R3HDML: variants seen among roughly 807,000 people sequenced by gnomAD.
The protein encoded by R3HDML is R3H domain containing like, also known as peptidase inhibitor R3HDML.
Under a neutral mutation model 24.2 loss-of-function variants are expected in R3HDML, and 21 were observed. That is an observed-to-expected ratio of 0.87 (90% CI 0.62 to 1.25). The LOEUF (loss-of-function observed/expected upper bound fraction) is 1.25, where lower values mean the gene tolerates loss of function less well. Ranked by LOEUF, R3HDML falls within the 50% of genes most tolerant of loss-of-function variation. R3HDML has a pLI of 0.00. For missense variants in R3HDML, 301 were observed against 340.3 expected (o/e 0.88, Z 0.91); for synonymous variants, 133 against 131.5 (o/e 1.01, Z -0.08).
chr20:44,348,450 C>G (rs931342090), intron 4 of R3HDML, among the ~76,000 whole-genome samples: 8 of 145,320 alleles, frequency 5.5e-5, no homozygotes, highest in Admixed American at 2.8e-4. Flanking sequence ...TCCCTTTTTC[C>G]TTTCCCTTTT....
chr20:44,337,548 A>G lies in R3HDML; in HGVS notation c.261+130A>G. The G allele has an allele frequency of 2.0e-6, 2 of 986,566 alleles. No individual in the cohort carries two copies. Among genetic ancestry groups the G allele is most frequent in the East Asian group, 2.6e-5 (1 of 38,430 alleles). The allele number at this position is 986,566 out of a possible 1,614,324, so 61.1% of individuals were successfully genotyped here. A position where few individuals can be genotyped will look rare whatever the true frequency, so the allele number is the denominator to read the frequency against. ...TGCCTGCCTGGCCCCACTAGCCAGT[A>G]TCTGGGTGTCGACCTGTGGAAAGGG... is the stretch of plus-strand genomic sequence containing the variant. On this transcript the variant is annotated intron_variant, in intron 1 of 4. Coordinates refer to ENST00000217043, the MANE Select transcript of R3HDML (RefSeq NM_178491.4). The surrounding 1 kb of genome is among the most constrained non-coding windows in gnomAD (Gnocchi z 4.7).
intron 1 of R3HDML, among the ~76,000 whole-genome samples, chr20:44,338,658 A>G (rs540413671): frequency 6.6e-6 from 1 of 152,304 alleles, no homozygotes; most frequent in South Asian, 2.1e-4. Flanking sequence ...GAGAGGGTTC[A>G]ATATCTCACC....
intron 1 of R3HDML, among the ~76,000 whole-genome samples, chr20:44,338,734 C>T (rs554293592): frequency 6.6e-6 from 1 of 152,222 alleles, no homozygotes; most frequent in African/African-American, 2.4e-5. Flanking sequence ...CTCACTTTAC[C>T]CCTTTGTAGC....
intron 2 of R3HDML, 67 bp from the exon 3 acceptor site, chr20:44,343,310 C>G: frequency 6.3e-7 from 1 of 1,576,774 alleles, no homozygotes; most frequent in Non-Finnish European, 8.6e-7. Context: ...AGGTCACCAG[C>G]AAGTTGGCGG....
rs2062760155 is a variant in R3HDML, at chr20:44,337,304, G to A, written c.147G>A (p.Val49=). The part of the protein sequence containing the change: ...TAMRLLSGLE[V]PRYRRKRHIS... ...TGCGGCTCCTGAGTGGCCTGGAGGT[G>A]CCCAGGTACCGCCGGAAGCGCCACA... The change falls in exon 1 of 5, where the codon GTG becomes GTA. Residue 49 remains valine, a synonymous_variant. Transcript: ENST00000217043. This position sits in a 1 kb window ranked among gnomAD's most constrained non-coding sequence, Gnocchi z 4.7. 1 of 1,614,184 alleles carries A rather than the reference G, an allele frequency of 6.2e-7. No individual in the cohort carries two copies. The highest frequency in any genetic ancestry group is 8.5e-7 in the Non-Finnish European group (1 of 1,180,042).
At position 44,337,252 on chromosome 20, in the gene R3HDML, C is replaced by T. The variant is rs200656952; in HGVS notation, c.95C>T (p.Ala32Val). 164 of 1,614,066 alleles carry T rather than the reference C, an allele frequency of 1.0e-4. No homozygotes were observed. The East Asian group carries it at 2.9e-3, about 29-fold the overall frequency. ...TTGATAATGCCTAATGCTACCCCAGCCCCGGCCCAGCCCGAGAGCACGGCT... is the reference window on the plus strand; with the variant it reads ...TTGATAATGCCTAATGCTACCCCAGTCCCGGCCCAGCCCGAGAGCACGGCT... ...NALIMPNATP[A>V]PAQPESTAMR... The change falls in exon 1 of 5, where the codon GCC becomes GTC. Residue 32 changes from alanine to valine, a missense_variant. By Grantham distance (64) the Ala-to-Val change is moderately conservative. Transcript: ENST00000217043. This position sits in a 1 kb window ranked among gnomAD's most constrained non-coding sequence, Gnocchi z 4.7.
At position 44,337,368 on chromosome 20, in the gene R3HDML, A is replaced by G; in HGVS notation, c.211A>G (p.Asn71Asp). The change falls in exon 1 of 5, where the codon AAC (asparagine) becomes GAC (aspartate). Residue 71 changes from asparagine (N) to aspartate (D), a missense_variant. Coordinates refer to ENST00000217043, the MANE Select transcript of R3HDML (RefSeq NM_178491.4). The surrounding 1 kb of genome is among the most constrained non-coding windows in gnomAD (Gnocchi z 4.7). ...RDMNALLDYH[N>D]HIRASVYPPA... The stretch of plus-strand genomic sequence containing the variant: ...CATGAATGCCTTACTGGATTATCAC[A>G]ACCACATCCGGGCCAGTGTGTACCC... 1 of 1,614,188 alleles carries G rather than the reference A, an allele frequency of 6.2e-7. No individual in the cohort carries two copies. The highest frequency in any genetic ancestry group is 8.5e-7 in the Non-Finnish European group (1 of 1,180,034).
chr20:44,343,348 A>G (rs1246810949), intron 2 of R3HDML, 29 bp from the exon 3 acceptor site: 1 of 1,606,728 alleles, frequency 6.2e-7, no homozygotes. Flanking sequence ...CCTCTCACCC[A>G]GCTTCTTCCG....
chr20:44,340,807 AAAAAG>A (rs144736625), intron 1 of R3HDML, among the ~76,000 whole-genome samples: 8,322 of 152,202 alleles, frequency 0.055, 861 homozygotes, highest in East Asian at 0.36. Context: ...TCCTGTCTCA[AAAAAG>A]AAAAGAAAAG....
rs118125327 is a variant in R3HDML at position 44,351,238 on chromosome 20, A to C, written c.*446A>C. 4.4e-4 allele frequency: 68 copies of C among 153,966 alleles called. No individual in the cohort carries two copies. Among genetic ancestry groups the C allele is most frequent in the Non-Finnish European group, 7.9e-4 (55 of 69,356 alleles). 9.5% of individuals were successfully genotyped at this position (153,966 alleles called of 1,614,324 possible). ...TATTTAGAAACAAACAAACAAACAA[A>C]TAAAAAACCTGGCACCTCGGTTTTG... On this transcript the variant is annotated 3_prime_UTR_variant, in exon 5 of 5. Coordinates refer to ENST00000217043, the MANE Select transcript of R3HDML (RefSeq NM_178491.4).
intron 4 of R3HDML, 123 bp from the exon 5 acceptor site, chr20:44,350,537 C>A: frequency 1.3e-6 from 1 of 784,212 alleles, no homozygotes; most frequent in Non-Finnish European, 1.9e-6. Flanking sequence ...GAAACCAAGG[C>A]TTGCAGATGT....
intron 4 of R3HDML, 99 bp downstream of exon 4, chr20:44,345,477 T>C (rs1190854600): frequency 5.0e-6 from 4 of 806,200 alleles, no homozygotes; most frequent in Non-Finnish European, 8.1e-6. Context: ...TCATTCTAAG[T>C]GCCCTCAATA....
rs1312551762 is a variant in R3HDML, at chr20:44,343,438, C to T, written c.442C>T (p.Pro148Ser). The change falls in exon 3 of 5, where the codon CCG becomes TCG. Residue 148 changes from proline (P) to serine (S), a missense_variant. Transcript: ENST00000217043. The stretch of plus-strand genomic sequence containing the variant: ...TGAGGAGAAGTGGCATTACTTGTTT[C>T]CGGCCCCAAGGGACTGTAACCCACA... ...WSEEKWHYLF[P>S]APRDCNPHCP... 4 of 1,613,258 alleles carry T rather than the reference C, an allele frequency of 2.5e-6. No individual in the cohort carries two copies. Among genetic ancestry groups the T allele is most frequent in the African/African-American group, 1.3e-5 (1 of 74,910 alleles).
intron 3 of R3HDML, 35 bp downstream of exon 3, chr20:44,343,544 AAC>A (rs532501379): frequency 2.3e-4 from 361 of 1,554,514 alleles, no homozygotes; most frequent in Non-Finnish European, 2.9e-4. Context: ...CCCCTGGGAT[AAC>A]ACATCCTGGC....
intron 4 of R3HDML, among the ~76,000 whole-genome samples, chr20:44,346,185 A>G (rs1000594349): frequency 6.6e-5 from 10 of 152,012 alleles, no homozygotes; most frequent in Admixed American, 3.9e-4. Flanking sequence ...CAGTGGCACA[A>G]TCACAGCTCA....
intron 4 of R3HDML, among the ~76,000 whole-genome samples, chr20:44,345,829 C>CTTTCTTTTTTTTTTTTTTTTTTTTTT (rs1428987914): frequency 1.4e-5 from 2 of 147,772 alleles, no homozygotes; most frequent in African/African-American, 2.5e-5. Flanking sequence ...TTCTTTCTTT[C>CTTTCTTTTTTTTTTTTTTTTTTTTTT]TTTTTTTTGA....
At chr20:44,346,384 G>A (rs1176337240) in intron 4 of R3HDML, among the ~76,000 whole-genome samples, 1 of 152,212 alleles carries the variant, frequency 6.6e-6, no homozygotes, top group Non-Finnish European at 1.5e-5. Context: ...AAAGTGCTGG[G>A]ATTACAGGCG....
At chr20:44,342,942 A>T (rs1004208568) in intron 2 of R3HDML, among the ~76,000 whole-genome samples, 1 of 152,120 alleles carries the variant, frequency 6.6e-6, no homozygotes, top group South Asian at 2.1e-4. Flanking sequence ...CAACAGAGCG[A>T]GACTCCATCT....
chr20:44,344,418 G>T (rs1011451593), intron 3 of R3HDML, among the ~76,000 whole-genome samples: 3 of 152,020 alleles, frequency 2.0e-5, no homozygotes, highest in African/African-American at 7.2e-5. Context: ...CTCCAGCCTG[G>T]GTGACAGTGA....
Sources: gnomAD v4.1 joint callset for allele counts (sites outside exome capture counted in the v4.1 genomes callset) on GRCh38, gnomAD v4.1.1 for gene constraint, Gnocchi (gnomAD v3.1) non-coding constraint, MANE v1.5 for transcripts, NCBI Gene and HGNC (gene_info 2026-07-23, HGNC 2026-07-21) for gene names.